DNER: variants seen among roughly 807,000 people sequenced by gnomAD.
DNER encodes the protein delta and Notch-like epidermal growth factor-related receptor.
Under a neutral mutation model 78.2 loss-of-function variants are expected in DNER, and 33 were observed. The ratio of observed to expected loss-of-function variants is 0.42; its 90% CI spans 0.32 to 0.56. DNER has a LOEUF of 0.56. Ranked by LOEUF, DNER falls within the 20% of genes least tolerant of loss-of-function variation. DNER has a pLI of 0.11. For missense variants in DNER, 918 were observed against 975.3 expected, an observed-to-expected ratio of 0.94 and a Z score of 0.78; for synonymous variants, 417 against 384.8, an observed-to-expected ratio of 1.08 and a Z score of -0.98.
chr2:229,635,760 T>C (rs1272040970), intron 1 of DNER, among the ~76,000 whole-genome samples: 2 of 152,134 alleles, frequency 1.3e-5, no homozygotes, highest in Non-Finnish European at 2.9e-5. Context: ...ATTATATTAA[T>C]AACAACAGCA....
At chr2:229,510,163 G>C in intron 6 of DNER, among the ~76,000 whole-genome samples, 2 of 152,344 alleles carry the variant, frequency 1.3e-5, no homozygotes, top group African/African-American at 4.8e-5. Context: ...ACCAGGGCAA[G>C]GGAGACATGG....
At chr2:229,363,612 C>A (rs1243495135) in intron 12 of DNER, among the ~76,000 whole-genome samples, 1 of 152,216 alleles carries the variant, frequency 6.6e-6, no homozygotes, top group Non-Finnish European at 1.5e-5. Context: ...CAGGAGCTTG[C>A]CCGTTAGGAA....
At chr2:229,487,733 G>A (rs1695307314) in intron 6 of DNER, among the ~76,000 whole-genome samples, 1 of 152,168 alleles carries the variant, frequency 6.6e-6, no homozygotes, top group Non-Finnish European at 1.5e-5. Context: ...ATTCACATTT[G>A]GGGAATCTAA....
intron 11 of DNER, among the ~76,000 whole-genome samples, chr2:229,370,647 T>C (rs756604124): frequency 1.1e-4 from 17 of 152,208 alleles, no homozygotes; most frequent in Admixed American, 7.2e-4. Flanking sequence ...CGTGATTCAC[T>C]TCATTTCCAA....
At chr2:229,656,037 T>C (rs1698906151) in intron 1 of DNER, among the ~76,000 whole-genome samples, 1 of 152,130 alleles carries the variant, frequency 6.6e-6, no homozygotes, top group African/African-American at 2.4e-5. Context: ...ACCCACACCT[T>C]GATGCCTGAC....
At chr2:229,541,405 T>C (rs1390219743) in intron 5 of DNER, among the ~76,000 whole-genome samples, 6 of 152,176 alleles carry the variant, frequency 3.9e-5, no homozygotes, top group African/African-American at 1.2e-4. Flanking sequence ...TCAAACATCA[T>C]TCTGGATGTT....
intron 1 of DNER, among the ~76,000 whole-genome samples, chr2:229,596,079 T>C (rs934813271): frequency 6.6e-6 from 1 of 152,202 alleles, no homozygotes; most frequent in Non-Finnish European, 1.5e-5. Context: ...ATGTAGGCTT[T>C]TTGAGGTCCA....
chr2:229,377,553 C>A (rs1692636604), intron 11 of DNER, among the ~76,000 whole-genome samples: 1 of 152,158 alleles, frequency 6.6e-6, no homozygotes, highest in Non-Finnish European at 1.5e-5. Flanking sequence ...ATTTCCAGAA[C>A]TGTGGGTTTT....
intron 2 of DNER, among the ~76,000 whole-genome samples, chr2:229,590,708 C>T: frequency 6.6e-6 from 1 of 152,180 alleles, no homozygotes. Flanking sequence ...AAGAAACAGG[C>T]CCTCACCAGA....
intron 1 of DNER, among the ~76,000 whole-genome samples, chr2:229,697,984 G>T (rs1259735583): frequency 6.6e-6 from 1 of 152,180 alleles, no homozygotes; most frequent in Non-Finnish European, 1.5e-5. Context: ...GGGACCAGGA[G>T]TTCAAGACCA....
At chr2:229,374,306 G>A (rs923536964) in intron 11 of DNER, among the ~76,000 whole-genome samples, 2 of 152,282 alleles carry the variant, frequency 1.3e-5, no homozygotes, top group South Asian at 2.1e-4. Context: ...GTACCTGGGC[G>A]ACAGGATCAT....
At chr2:229,634,321 A>G (rs960672335) in intron 1 of DNER, among the ~76,000 whole-genome samples, 3 of 151,676 alleles carry the variant, frequency 2.0e-5, no homozygotes, top group East Asian at 1.9e-4. Flanking sequence ...CTGAAATATT[A>G]TCTCATTCTG....
rs1553536220 is a variant in DNER at position 229,506,190 on chromosome 2, T to TTG, written c.1147+6592_1147+6593insCA. Among the ~76,000 whole-genome samples, 844 of 150,830 alleles carry TTG rather than the reference T, an allele frequency of 5.6e-3. 12 individuals carry two copies. The highest frequency in any genetic ancestry group is 0.019 in the African/African-American group (808 of 41,448). On this transcript the variant is annotated intron_variant, in intron 6 of 12. Transcript: ENST00000341772. The stretch of plus-strand genomic sequence containing the variant: ...TAATTGACTCACAGTTCCACAGGGC[T>TTG]GGGGGGCCTCAAGAAACTTACAATC...
intron 5 of DNER, among the ~76,000 whole-genome samples, chr2:229,533,818 A>G (rs1005517705): frequency 6.6e-6 from 1 of 152,254 alleles, no homozygotes. Context: ...AAAATAAGCA[A>G]GAGTTTTTGT....
At chr2:229,558,796 G>C (rs1301517213) in intron 4 of DNER, among the ~76,000 whole-genome samples, 1 of 152,132 alleles carries the variant, frequency 6.6e-6, no homozygotes, top group Non-Finnish European at 1.5e-5. Context: ...AGGTGAAAAT[G>C]AGCCAGCAAG....
intron 1 of DNER, among the ~76,000 whole-genome samples, chr2:229,675,174 C>A (rs1456788196): frequency 6.6e-6 from 1 of 152,168 alleles, no homozygotes; most frequent in Non-Finnish European, 1.5e-5. Context: ...TGACAGAAGC[C>A]TCCAAAGACA....
intron 7 of DNER, among the ~76,000 whole-genome samples, chr2:229,468,813 C>T (rs577254670): frequency 6.6e-5 from 10 of 152,202 alleles, no homozygotes; most frequent in African/African-American, 2.2e-4. Flanking sequence ...AGGCATACCA[C>T]GAGGAGTGAG....
intron 6 of DNER, among the ~76,000 whole-genome samples, chr2:229,490,851 C>T (rs1197358224): frequency 6.6e-6 from 1 of 152,196 alleles, no homozygotes; most frequent in Non-Finnish European, 1.5e-5. Context: ...TCAAAGACAT[C>T]CCAAATCCAA....
At chr2:229,402,245 C>G (rs775687348) in intron 10 of DNER, among the ~76,000 whole-genome samples, 1 of 152,002 alleles carries the variant, frequency 6.6e-6, no homozygotes, top group Non-Finnish European at 1.5e-5. Context: ...GTATACCTGA[C>G]AAAGAACTTG....
Sources: allele counts gnomAD v4.1 joint callset (sites outside exome capture counted in the v4.1 genomes callset), GRCh38; gene constraint gnomAD v4.1.1; transcripts MANE v1.5; gene names NCBI Gene and HGNC (gene_info 2026-07-23, HGNC 2026-07-21).